The following VPS37A variants were observed in gnomAD, a reference collection of about 807,000 sequenced individuals.
VPS37A encodes vacuolar protein sorting-associated protein 37A.
In VPS37A, 30 loss-of-function variants were observed where a neutral mutation model predicts 49.8. The observed-to-expected ratio is 0.60, with a 90% CI of 0.45 to 0.82. The LOEUF (loss-of-function observed/expected upper bound fraction) is 0.82, where lower values mean the gene tolerates loss of function less well. VPS37A is among the 40% of genes least tolerant of loss of function. The probability of loss-of-function intolerance (pLI) is 0.00; values close to 1 mark genes in which losing one functional copy is unlikely to be tolerated. For missense variants in VPS37A, 593 were observed against 464.4 expected (o/e 1.28, Z -2.55); for synonymous variants, 195 against 160.6 (o/e 1.21, Z -1.62).
downstream of VPS37A, chr8:17,301,881 C>T: frequency 2.3e-6 from 1 of 433,876 alleles, no homozygotes; most frequent in Non-Finnish European, 4.0e-6. Context: ...TTACTACTCT[C>T]AAATAACAGT....
chr8:17,259,561 G>C (rs1812787674), intron 1 of VPS37A, among the ~76,000 whole-genome samples: 1 of 152,244 alleles, frequency 6.6e-6, no homozygotes, highest in Middle Eastern at 3.4e-3. Flanking sequence ...ATTGAGTGCA[G>C]TGTTCTGTAA....
the VPS37A span, among the ~76,000 whole-genome samples, chr8:17,317,008 G>C: frequency 6.6e-6 from 1 of 152,080 alleles, no homozygotes; most frequent in African/African-American, 2.4e-5. Flanking sequence ...ACTAATACTT[G>C]GTAATGCTGA....
intron 1 of VPS37A, among the ~76,000 whole-genome samples, chr8:17,252,582 T>A (rs1812078459): frequency 6.6e-6 from 1 of 152,218 alleles, no homozygotes. Context: ...TCTCTAACTC[T>A]TCTTTTAAAA....
At chr8:17,284,642 C>G in intron 10 of VPS37A, 26 bp downstream of exon 10, 1 of 1,563,986 alleles carries the variant, frequency 6.4e-7, no homozygotes, top group African/African-American at 1.4e-5. Context: ...CAGTTGAGGA[C>G]AAGTATTGGA....
At chr8:17,279,566 A>G (rs948570482) in intron 6 of VPS37A, among the ~76,000 whole-genome samples, 2 of 152,142 alleles carry the variant, frequency 1.3e-5, no homozygotes, top group East Asian at 1.9e-4. Context: ...AATAAGTGAT[A>G]TTCTCAAGCA....
Position 17,296,710 on chromosome 8 carries a change from T to TATC in VPS37A, c.*1725_*1727dup, listed in dbSNP as rs1279418747. 2 of 152,292 alleles carry TATC rather than the reference T, an allele frequency of 1.3e-5. No homozygotes were observed. Among genetic ancestry groups the TATC allele is most frequent in the South Asian group, 2.1e-4 (1 of 4,830 alleles). The allele number at this position is 152,292 out of a possible 1,614,324, so 9.4% of individuals were successfully genotyped here. A position where few individuals can be genotyped will look rare whatever the true frequency, so the allele number is the denominator to read the frequency against. On this transcript the variant is annotated 3_prime_UTR_variant, in exon 12 of 12. Transcript: ENST00000324849. ...CAAAGATAAACATTGTTTAGATGCTTATCTACTTTCCTTTTCACCAGAAAA... is the reference window on the plus strand; with the variant it reads ...CAAAGATAAACATTGTTTAGATGCTTATCATCTACTTTCCTTTTCACCAGAAAA...
the VPS37A span, among the ~76,000 whole-genome samples, chr8:17,327,489 C>T: frequency 6.6e-6 from 1 of 152,024 alleles, no homozygotes; most frequent in Non-Finnish European, 1.5e-5. Context: ...CTGTGTTGCC[C>T]AGGCTGGTCT....
chr8:17,311,204 T>TA, the VPS37A span, among the ~76,000 whole-genome samples: 1 of 152,244 alleles, frequency 6.6e-6, no homozygotes, highest in East Asian at 1.9e-4. Context: ...TTGAAATACT[T>TA]ATGAGCAAAT....
chr8:17,277,492 C>T (rs144470368), intron 6 of VPS37A, among the ~76,000 whole-genome samples: 238 of 152,130 alleles, frequency 1.6e-3, no homozygotes, highest in African/African-American at 5.5e-3. Flanking sequence ...AACCCTTTTG[C>T]TCACCATGCT....
chr8:17,274,406 A>G (rs1814302795), intron 4 of VPS37A, among the ~76,000 whole-genome samples: 1 of 152,178 alleles, frequency 6.6e-6, no homozygotes, highest in African/African-American at 2.4e-5. Flanking sequence ...GGAGATACTG[A>G]TTGATAGCAG....
chr8:17,276,351 C>G, intron 5 of VPS37A, 46 bp from the exon 6 acceptor site: 14 of 1,534,896 alleles, frequency 9.1e-6, no homozygotes, highest in South Asian at 1.2e-5. Flanking sequence ...TGAGAGCAGT[C>G]AAAAATAATG....
chr8:17,324,673 T>C, the VPS37A span, among the ~76,000 whole-genome samples: 66 of 152,358 alleles, frequency 4.3e-4, no homozygotes, highest in Middle Eastern at 3.4e-3. Flanking sequence ...GCTGCTGGTC[T>C]AGCAGAACAC....
downstream of VPS37A, chr8:17,300,122 T>G (rs1286705787): frequency 6.2e-7 from 1 of 1,614,172 alleles, no homozygotes; most frequent in South Asian, 1.1e-5. Flanking sequence ...GTGTTGGCTA[T>G]GCTGTTGTCT....
the VPS37A span, among the ~76,000 whole-genome samples, chr8:17,330,186 C>T: frequency 6.6e-6 from 1 of 152,182 alleles, no homozygotes; most frequent in Non-Finnish European, 1.5e-5. Context: ...TCTGATTAAA[C>T]GAAGAACGGC....
rs140109572 is a variant in VPS37A, at chr8:17,282,561, A to G, written c.970-1912A>G. Among the ~76,000 whole-genome samples, 636 of 152,302 alleles carry G rather than the reference A, an allele frequency of 4.2e-3. 5 individuals carry two copies. Among genetic ancestry groups the G allele is most frequent in the African/African-American group, 0.015 (604 of 41,572 alleles). ...TCAAAATTGAAGTTAAAAAAAGGGT[A>G]CAGATATTTTTAGCCTATACAACAA... On this transcript the variant is annotated intron_variant, in intron 9 of 11. Transcript: ENST00000324849.
At chr8:17,282,924 T>C (rs769848696) in intron 9 of VPS37A, among the ~76,000 whole-genome samples, 10 of 152,158 alleles carry the variant, frequency 6.6e-5, no homozygotes, top group Non-Finnish European at 1.0e-4. Flanking sequence ...ACACCTAATA[T>C]CTGGTTCAGT....
chr8:17,247,702 C>G, intron 1 of VPS37A: 1 of 702,730 alleles, frequency 1.4e-6, no homozygotes, highest in South Asian at 1.5e-5. Context: ...CTGATCTTTC[C>G]CTTTGCCCAC....
At chr8:17,314,712 A>G in the VPS37A span, among the ~76,000 whole-genome samples, 1 of 152,214 alleles carries the variant, frequency 6.6e-6, no homozygotes, top group South Asian at 2.1e-4. Context: ...CCAACCTAAG[A>G]AAAACATATT....
At chr8:17,261,782 G>T (rs1812984517) in intron 1 of VPS37A, among the ~76,000 whole-genome samples, 1 of 152,324 alleles carries the variant, frequency 6.6e-6, no homozygotes, top group South Asian at 2.1e-4. Flanking sequence ...CTGGCAAACG[G>T]TTCCTGCCCA....
Sources: gnomAD v4.1 joint callset for allele counts (sites outside exome capture counted in the v4.1 genomes callset) on GRCh38, gnomAD v4.1.1 for gene constraint, MANE v1.5 for transcripts, NCBI Gene and HGNC (gene_info 2026-07-23, HGNC 2026-07-21) for gene names.